Variants in MYH16 observed in about 807,000 individuals in gnomAD.
The protein encoded by MYH16 is putative uncharacterized protein MYH16.
chr7:99,259,827 T>TTA lies in MYH16; in HGVS notation n.1405-327_1405-326dup, dbSNP rs910790166. Among the ~76,000 whole-genome samples, 99 of 125,850 alleles carry TTA rather than the reference T, an allele frequency of 7.9e-4. 1 individual carries two copies. Among genetic ancestry groups the TTA allele is most frequent in the African/African-American group, 1.4e-3 (49 of 35,930 alleles). 82.6% of individuals were successfully genotyped at this position (125,850 alleles called of 152,430 possible). On this transcript the variant is annotated intron_variant and non_coding_transcript_variant, in intron 11 of 41. Transcript: ENST00000439784. ...ATATATATGTATGTATGTGTATATA[T>TTA]TATATATATATGTATGTATGTGTAT... is the stretch of plus-strand genomic sequence containing the variant.
exon 30 of MYH16, chr7:99,289,402 A>G (rs1320356205): frequency 2.3e-6 from 1 of 435,950 alleles, no homozygotes; most frequent in Admixed American, 2.5e-5. Flanking sequence ...ACCCGCCTCC[A>G]AGGTGAGCCC....
chr7:99,301,211 A>G (rs1792590022), intron 37 of MYH16, among the ~76,000 whole-genome samples: 1 of 150,816 alleles, frequency 6.6e-6, no homozygotes, highest in African/African-American at 2.5e-5. Flanking sequence ...AAAAAAAAAA[A>G]AAAAAAAGAG....
chr7:99,268,898 G>A (rs1349939289), intron 18 of MYH16, among the ~76,000 whole-genome samples: 1 of 152,108 alleles, frequency 6.6e-6, no homozygotes, highest in Non-Finnish European at 1.5e-5. Context: ...TGTACTCCCT[G>A]GCCCCGTGTG....
chr7:99,297,203 G>A (rs559820777), intron 34 of MYH16, among the ~76,000 whole-genome samples: 180 of 151,672 alleles, frequency 1.2e-3, no homozygotes, highest in Non-Finnish European at 1.1e-3. Flanking sequence ...AGGCTGAGGC[G>A]GGCGGATCAC....
At chr7:99,298,036 G>A (rs1792528939) in intron 36 of MYH16, 41 bp downstream of exon 17, 5 of 455,966 alleles carry the variant, frequency 1.1e-5, no homozygotes, top group South Asian at 4.6e-5. Flanking sequence ...CTTGGGAAGT[G>A]TGATGGAGCA....
intron 2 of MYH16, among the ~76,000 whole-genome samples, chr7:99,244,814 C>T (rs1359647206): frequency 1.3e-5 from 2 of 152,180 alleles, no homozygotes; most frequent in Non-Finnish European, 2.9e-5. Flanking sequence ...GGTACAGGCT[C>T]AAAGGTCAAG....
At chr7:99,262,211 G>A (rs1562776843) in intron 13 of MYH16, among the ~76,000 whole-genome samples, 1 of 152,176 alleles carries the variant, frequency 6.6e-6, no homozygotes. Context: ...GTTTCCTTGG[G>A]ATTTTATTAT....
exon 20 of MYH16, chr7:99,273,387 G>C (rs903238337): frequency 6.6e-6 from 3 of 456,664 alleles, no homozygotes; most frequent in African/African-American, 4.0e-5. Flanking sequence ...AGTTCCTGCA[G>C]CTCCGTTTCT....
At chr7:99,279,358 CAAAAA>C (rs35683727) in intron 21 of MYH16, among the ~76,000 whole-genome samples, 147 bp from the exon 4 acceptor site, 5 of 45,874 alleles carry the variant, frequency 1.1e-4, no homozygotes, top group Admixed American at 2.5e-4. Flanking sequence ...AACCCTGACT[CAAAAA>C]AAAAAAAAAA....
intron 8 of MYH16, among the ~76,000 whole-genome samples, chr7:99,254,597 A>C (rs1791851462): frequency 6.6e-6 from 1 of 152,178 alleles, no homozygotes; most frequent in East Asian, 1.9e-4. Flanking sequence ...AAAGTGGAGT[A>C]CACTCACCCA....
At chr7:99,295,073 T>C (rs976079819) in intron 33 of MYH16, among the ~76,000 whole-genome samples, 11 of 151,490 alleles carry the variant, frequency 7.3e-5, no homozygotes, top group African/African-American at 2.7e-4. Context: ...AGGGTAAAAT[T>C]TGCCCCTGAA....
intron 8 of MYH16, among the ~76,000 whole-genome samples, chr7:99,255,211 G>C (rs1421742996): frequency 6.6e-6 from 1 of 152,196 alleles, no homozygotes; most frequent in Non-Finnish European, 1.5e-5. Context: ...AGAGGTTGCA[G>C]TGGGCCGAGA....
chr7:99,308,273 TGACAGAGC>T (rs1792708634), downstream of MYH16, among the ~76,000 whole-genome samples: 1 of 111,258 alleles, frequency 9.0e-6, no homozygotes, highest in Non-Finnish European at 1.7e-5. Context: ...CCAGCCTGGG[TGACAGAGC>T]GAGGCTCTGT....
intron 3 of MYH16, among the ~76,000 whole-genome samples, chr7:99,247,966 A>G (rs1339824227): frequency 6.6e-6 from 1 of 152,086 alleles, no homozygotes; most frequent in Admixed American, 6.6e-5. Context: ...CACCAGCCCT[A>G]CCTCACACCC....
chr7:99,270,077 G>A (rs1407106684), intron 18 of MYH16, among the ~76,000 whole-genome samples: 8 of 91,376 alleles, frequency 8.8e-5, no homozygotes, highest in South Asian at 4.4e-4. Flanking sequence ...GTTTCACCAC[G>A]TTGGCCAGGC....
chr7:99,266,876 G>A (rs1396331823), exon 18 of MYH16: 1 of 152,672 alleles, frequency 6.5e-6, no homozygotes, highest in East Asian at 1.9e-4. Context: ...GAACCCCAAC[G>A]TGATTCCCCA....
At chr7:99,308,094 T>C, downstream of MYH16, among the ~76,000 whole-genome samples, 1 of 151,788 alleles carries the variant, frequency 6.6e-6, no homozygotes, top group East Asian at 1.9e-4. Context: ...TCCTCATACT[T>C]TGCCTCAAAA....
intron 39 of MYH16, among the ~76,000 whole-genome samples, chr7:99,303,398 A>G (rs1219361719): frequency 6.6e-6 from 1 of 152,266 alleles, no homozygotes; most frequent in East Asian, 1.9e-4. Flanking sequence ...AAGAATTACA[A>G]GCTCTAGGTG....
At chr7:99,275,003 A>AG (rs1414071679) in intron 20 of MYH16, among the ~76,000 whole-genome samples, 1 of 148,188 alleles carries the variant, frequency 6.7e-6, no homozygotes, top group African/African-American at 2.5e-5. Context: ...GAAAAAAAAA[A>AG]TTTTTTTTTG....
Sources: allele counts gnomAD v4.1 joint callset (sites outside exome capture counted in the v4.1 genomes callset), GRCh38; gene constraint gnomAD v4.1.1; transcripts MANE v1.5; gene names NCBI Gene and HGNC (gene_info 2026-07-23, HGNC 2026-07-21).